CCNYL1: variants seen among roughly 807,000 people sequenced by gnomAD.
The protein encoded by CCNYL1 is cyclin-Y-like protein 1.
In CCNYL1, 16 loss-of-function variants were observed where a neutral mutation model predicts 44.2. The observed-to-expected ratio is 0.36, with a 90% confidence interval of 0.25 to 0.55. The LOEUF (loss-of-function observed/expected upper bound fraction) is 0.55. CCNYL1 is among the 20% of genes least tolerant of loss of function. The pLI is 0.85. For synonymous variants in CCNYL1, 159 were observed against 163.2 expected (o/e 0.97, Z 0.20); for missense variants, 348 against 451.8 (o/e 0.77, Z 2.08).
chr2:207,739,272 G>T (rs1343728576), intron 5 of CCNYL1, among the ~76,000 whole-genome samples: 2 of 151,862 alleles, frequency 1.3e-5, no homozygotes, highest in African/African-American at 2.4e-5. Context: ...TCACTCTGTT[G>T]CCCAGGCTGG....
intron 3 of CCNYL1, 98 bp from the exon 4 acceptor site, chr2:207,733,849 C>G (rs958343868): frequency 2.0e-5 from 15 of 755,860 alleles, no homozygotes; most frequent in Non-Finnish European, 1.8e-5. Flanking sequence ...TAAGAAATAT[C>G]TTAATGCTTT....
At chr2:207,736,067 G>C (rs2091762651) in intron 4 of CCNYL1, among the ~76,000 whole-genome samples, 1 of 152,116 alleles carries the variant, frequency 6.6e-6, no homozygotes, top group Non-Finnish European at 1.5e-5. Context: ...CTATTTGGTG[G>C]GACCTTGGGC....
chr2:207,734,459 A>C (rs995153664), intron 4 of CCNYL1, among the ~76,000 whole-genome samples: 1 of 152,242 alleles, frequency 6.6e-6, no homozygotes, highest in African/African-American at 2.4e-5. Context: ...CTTGTCCTCT[A>C]CTGGCACCAT....
chr2:207,716,581 A>G (rs956602697), intron 1 of CCNYL1, among the ~76,000 whole-genome samples: 2 of 152,178 alleles, frequency 1.3e-5, no homozygotes, highest in South Asian at 4.1e-4. Context: ...ACCCTGCTCT[A>G]TCGCATGCCT....
chr2:207,721,562 AT>A (rs921047142), intron 1 of CCNYL1, among the ~76,000 whole-genome samples: 16 of 151,250 alleles, frequency 1.1e-4, no homozygotes, highest in Middle Eastern at 3.2e-3. Context: ...CCTGAGTTTA[AT>A]TTTTTTTTGT....
At chr2:207,712,359 G>T (rs1477718164) in intron 1 of CCNYL1, among the ~76,000 whole-genome samples, 1 of 152,206 alleles carries the variant, frequency 6.6e-6, no homozygotes, top group Non-Finnish European at 1.5e-5. Context: ...CTCCCAAGCC[G>T]GCGTGGGACC....
chr2:207,719,007 G>C (rs1470674113), intron 1 of CCNYL1, among the ~76,000 whole-genome samples: 1 of 151,516 alleles, frequency 6.6e-6, no homozygotes, highest in Non-Finnish European at 1.5e-5. Context: ...TACTGCTATG[G>C]AGTGATACCC....
rs1385738696 is a variant in CCNYL1 at position 207,754,738 on chromosome 2, A to G, written c.*1040A>G. 6.5e-6 allele frequency: 1 copy of G among 154,256 alleles called. No individual in the cohort carries two copies. Among genetic ancestry groups the G allele is most frequent in the Non-Finnish European group, 1.5e-5 (1 of 68,212 alleles). 9.6% of individuals were successfully genotyped at this position (154,256 alleles called of 1,614,324 possible). On this transcript the variant is annotated 3_prime_UTR_variant, in exon 10 of 10. Coordinates refer to ENST00000295414, the MANE Select transcript of CCNYL1 (RefSeq NM_001330218.2). The stretch of plus-strand genomic sequence containing the variant: ...TGCAGCCTAGAACTTCCTGGTCTCA[A>G]GCCATCCTCTAGCCTCAGCCACACA...
intron 1 of CCNYL1, among the ~76,000 whole-genome samples, chr2:207,717,906 CTT>C (rs5838085): frequency 5.0e-5 from 7 of 138,900 alleles, no homozygotes; most frequent in Admixed American, 7.4e-5. Context: ...ATTTTTAATT[CTT>C]TTTTTTTTTT....
intron 8 of CCNYL1, 56 bp downstream of exon 8, chr2:207,747,269 A>G (rs868289449): frequency 6.9e-7 from 1 of 1,453,418 alleles, no homozygotes; most frequent in Non-Finnish European, 9.4e-7. Flanking sequence ...TCTTATTCCT[A>G]TAAAGTTAAC....
chr2:207,742,944 T>C (rs987421315), intron 7 of CCNYL1, among the ~76,000 whole-genome samples: 1 of 152,198 alleles, frequency 6.6e-6, no homozygotes, highest in Admixed American at 6.5e-5. Context: ...ATGTCCTCCA[T>C]ACAGAATTCC....
chr2:207,712,381 C>T (rs1464573894), intron 1 of CCNYL1, among the ~76,000 whole-genome samples: 3 of 152,210 alleles, frequency 2.0e-5, no homozygotes, highest in East Asian at 3.8e-4. Context: ...TCTAGTCCGC[C>T]GCCCTTCTTG....
chr2:207,747,601 T>TA (rs2091863461), intron 8 of CCNYL1, among the ~76,000 whole-genome samples: 1 of 152,182 alleles, frequency 6.6e-6, no homozygotes, highest in African/African-American at 2.4e-5. Context: ...TAGGCTGGAG[T>TA]GCAGTGATGC....
intron 1 of CCNYL1, among the ~76,000 whole-genome samples, chr2:207,724,351 T>C (rs2091663858): frequency 6.6e-6 from 1 of 152,218 alleles, no homozygotes; most frequent in Non-Finnish European, 1.5e-5. Context: ...AAAGAACATT[T>C]GCCAAAAACA....
intron 3 of CCNYL1, among the ~76,000 whole-genome samples, chr2:207,728,261 CTTTTTTTTTT>C (rs571559698): frequency 2.1e-5 from 3 of 140,956 alleles, no homozygotes; most frequent in African/African-American, 7.8e-5. Context: ...TGCACCTGGC[CTTTTTTTTTT>C]TTTTTCTTTT....
chr2:207,733,210 C>T (rs2091742596), intron 3 of CCNYL1, among the ~76,000 whole-genome samples: 2 of 152,218 alleles, frequency 1.3e-5, no homozygotes, highest in East Asian at 1.9e-4. Context: ...TGCCATGATG[C>T]CTGTCAAATA....
intron 8 of CCNYL1, 93 bp from the exon 9 acceptor site, chr2:207,750,864 A>G: frequency 3.8e-6 from 4 of 1,053,390 alleles, no homozygotes; most frequent in South Asian, 1.6e-5. Flanking sequence ...TAGAGTTTAG[A>G]GCCATTCTAG....
chr2:207,734,986 C>G (rs1346364418), intron 4 of CCNYL1, among the ~76,000 whole-genome samples: 3 of 152,170 alleles, frequency 2.0e-5, no homozygotes, highest in African/African-American at 7.2e-5. Flanking sequence ...GGTCCTAAAT[C>G]CTTGAGTTAA....
chr2:207,750,838 A>G (rs2105842361), intron 8 of CCNYL1, 119 bp from the exon 9 acceptor site: 1 of 792,698 alleles, frequency 1.3e-6, no homozygotes. Flanking sequence ...ACAACTGGGT[A>G]GCCTATATTT....
Sources: allele counts gnomAD v4.1 joint callset (sites outside exome capture counted in the v4.1 genomes callset), GRCh38; gene constraint gnomAD v4.1.1; transcripts MANE v1.5; gene names NCBI Gene and HGNC (gene_info 2026-07-23, HGNC 2026-07-21).